Variants in LINGO2 observed in about 807,000 individuals in gnomAD.
The protein encoded by LINGO2 is leucine rich repeat and Ig domain containing 2.
A neutral mutation model predicts 30.6 loss-of-function variants in LINGO2; 14 were observed. The ratio of observed to expected loss-of-function variants is 0.46; its 90% CI spans 0.30 to 0.72. The LOEUF (loss-of-function observed/expected upper bound fraction) is 0.72. Ranked by LOEUF, LINGO2 falls within the 30% of genes least tolerant of loss-of-function variation. LINGO2 has a pLI of 0.07. For synonymous variants in LINGO2, 317 were observed against 288.5 expected, an observed-to-expected ratio of 1.10 and a Z score of -1.00; for missense variants, 729 against 751.7, an observed-to-expected ratio of 0.97 and a Z score of 0.35.
chr9:29,061,005 GA>G, the LINGO2 span, among the ~76,000 whole-genome samples: 39 of 151,944 alleles, frequency 2.6e-4, no homozygotes, highest in East Asian at 7.4e-3. Flanking sequence ...CACATTTAAT[GA>G]AAATGACAAA....
intron 4 of LINGO2, among the ~76,000 whole-genome samples, chr9:28,060,154 T>C (rs1304414441): frequency 6.6e-6 from 1 of 152,138 alleles, no homozygotes; most frequent in Non-Finnish European, 1.5e-5. Flanking sequence ...ACATGACCAC[T>C]TGACCAAAAG....
the LINGO2 span, among the ~76,000 whole-genome samples, chr9:28,682,538 C>A: frequency 2.0e-5 from 3 of 152,064 alleles, no homozygotes; most frequent in South Asian, 6.2e-4. Flanking sequence ...TTTCCTAAGA[C>A]TTTTTTATAT....
the LINGO2 span, among the ~76,000 whole-genome samples, chr9:29,021,902 C>T: frequency 2.6e-5 from 4 of 152,158 alleles, no homozygotes; most frequent in South Asian, 8.3e-4. Flanking sequence ...AATAGATTAA[C>T]ATAATACATA....
intron 4 of LINGO2, among the ~76,000 whole-genome samples, chr9:28,100,851 T>C (rs1343146180): frequency 1.3e-5 from 2 of 152,108 alleles, no homozygotes; most frequent in Admixed American, 1.3e-4. Flanking sequence ...TTGCGTACGA[T>C]TGTGTTTCAT....
chr9:29,196,138 T>G, the LINGO2 span, among the ~76,000 whole-genome samples: 3 of 152,124 alleles, frequency 2.0e-5, no homozygotes, highest in Admixed American at 1.3e-4. Context: ...ATTAAGTTAT[T>G]AAATTGGACC....
At chr9:28,687,704 G>A in the LINGO2 span, among the ~76,000 whole-genome samples, 1 of 152,126 alleles carries the variant, frequency 6.6e-6, no homozygotes, top group Non-Finnish European at 1.5e-5. Context: ...ATCAATGCAT[G>A]CTCAAGCTCA....
chr9:28,260,036 T>C (rs1425524328), intron 4 of LINGO2, among the ~76,000 whole-genome samples: 1 of 151,808 alleles, frequency 6.6e-6, no homozygotes, highest in Non-Finnish European at 1.5e-5. Context: ...AGATACCCTG[T>C]TTGCCTATAA....
intron 4 of LINGO2, among the ~76,000 whole-genome samples, chr9:28,126,622 C>T (rs1239292544): frequency 1.3e-5 from 2 of 152,164 alleles, no homozygotes; most frequent in Non-Finnish European, 2.9e-5. Flanking sequence ...CCTAGGGGTC[C>T]CTCAAAGAAA....
intron 4 of LINGO2, among the ~76,000 whole-genome samples, chr9:28,211,078 C>A (rs892177683): frequency 6.6e-6 from 1 of 151,520 alleles, no homozygotes; most frequent in Non-Finnish European, 1.5e-5. Flanking sequence ...TGTTCTAAAT[C>A]AATCTTTGAT....
chr9:28,957,328 A>G, the LINGO2 span, among the ~76,000 whole-genome samples: 1 of 152,214 alleles, frequency 6.6e-6, no homozygotes, highest in Non-Finnish European at 1.5e-5. Flanking sequence ...TCCCCATGCA[A>G]TGCAATGCCA....
chr9:28,467,347 C>T (rs951005765), intron 2 of LINGO2, among the ~76,000 whole-genome samples: 3 of 152,114 alleles, frequency 2.0e-5, no homozygotes, highest in African/African-American at 7.2e-5. Flanking sequence ...CTCTTAACCT[C>T]AGCTCTTTCT....
chr9:28,448,088 C>A (rs117672856), intron 2 of LINGO2, among the ~76,000 whole-genome samples: 2 of 151,904 alleles, frequency 1.3e-5, no homozygotes, highest in Non-Finnish European at 2.9e-5. Flanking sequence ...GAAGGGGGTA[C>A]GTGCAGGGAG....
At chr9:28,948,582 G>C in the LINGO2 span, among the ~76,000 whole-genome samples, 1 of 151,908 alleles carries the variant, frequency 6.6e-6, no homozygotes, top group Non-Finnish European at 1.5e-5. Context: ...CAAATTTATT[G>C]CAAGAAATTA....
At chr9:28,144,478 C>G (rs1827759125) in intron 4 of LINGO2, among the ~76,000 whole-genome samples, 1 of 152,192 alleles carries the variant, frequency 6.6e-6, no homozygotes, top group Non-Finnish European at 1.5e-5. Flanking sequence ...TTGAATGTAA[C>G]TACATCCACA....
At chr9:29,037,653 TA>T in the LINGO2 span, among the ~76,000 whole-genome samples, 1 of 151,998 alleles carries the variant, frequency 6.6e-6, no homozygotes, top group African/African-American at 2.4e-5. Context: ...CCAAACTGTC[TA>T]ATGTACTGTT....
At chr9:28,204,267 C>T (rs756857347) in intron 4 of LINGO2, among the ~76,000 whole-genome samples, 9 of 152,092 alleles carry the variant, frequency 5.9e-5, no homozygotes, top group African/African-American at 9.7e-5. Context: ...CACACAAACA[C>T]TATCTTATTT....
chr9:28,340,943 C>G (rs995075526), intron 3 of LINGO2, among the ~76,000 whole-genome samples: 1 of 152,092 alleles, frequency 6.6e-6, no homozygotes, highest in African/African-American at 2.4e-5. Context: ...CACAGTGTAT[C>G]TTTTCCCCAT....
intron 2 of LINGO2, among the ~76,000 whole-genome samples, chr9:28,474,647 A>T (rs1825657385): frequency 6.6e-6 from 1 of 152,160 alleles, no homozygotes; most frequent in South Asian, 2.1e-4. Flanking sequence ...CTTGGACCAT[A>T]CAACAGGTTT....
the LINGO2 span, among the ~76,000 whole-genome samples, chr9:28,792,894 C>A: frequency 1.3e-5 from 2 of 152,122 alleles, no homozygotes; most frequent in Admixed American, 1.3e-4. Context: ...GCTGGAAACT[C>A]ATACTTACCT....
Sources: gnomAD v4.1 joint callset for allele counts (sites outside exome capture counted in the v4.1 genomes callset) on GRCh38, gnomAD v4.1.1 for gene constraint, MANE v1.5 for transcripts, NCBI Gene and HGNC (gene_info 2026-07-23, HGNC 2026-07-21) for gene names.